UGP2: variants seen among roughly 807,000 people sequenced by gnomAD.
The protein encoded by UGP2 is UDP-glucose pyrophosphorylase 2, also known as UTP--glucose-1-phosphate uridylyltransferase.
UGP2 carries 40 observed loss-of-function variants against 49.0 expected under a neutral mutation model. The ratio of observed to expected loss-of-function variants is 0.82; its 90% CI spans 0.63 to 1.06. The LOEUF (loss-of-function observed/expected upper bound fraction) is 1.06, where lower values mean the gene tolerates loss of function less well. Among genes scored for constraint, UGP2 ranks in the 50% least tolerant of loss-of-function variants. The pLI is 0.00. For synonymous variants in UGP2, 225 were observed against 213.0 expected (o/e 1.06, Z -0.49); for missense variants, 460 against 603.5 (o/e 0.76, Z 2.49).
chr2:63,868,326 CCAT>C (rs1394214175), intron 3 of UGP2, among the ~76,000 whole-genome samples: 3 of 152,138 alleles, frequency 2.0e-5, no homozygotes, highest in African/African-American at 7.2e-5. Flanking sequence ...TGGTTGATGG[CCAT>C]CATAGGATCT....
intron 9 of UGP2, among the ~76,000 whole-genome samples, chr2:63,890,497 C>G (rs1275578920): frequency 2.0e-5 from 3 of 152,084 alleles, no homozygotes; most frequent in Admixed American, 1.3e-4. Flanking sequence ...CAGTGTCATT[C>G]CAGCCTCACG....
Position 63,886,331 on chromosome 2 carries a change from G to C in UGP2, c.874-10G>C, listed in dbSNP as rs1045762120. 13 of 1,613,318 alleles carry C rather than the reference G, an allele frequency of 8.1e-6. No homozygotes were observed. The highest frequency in any genetic ancestry group is 1.1e-5 in the Non-Finnish European group (13 of 1,179,292). On this transcript the variant is annotated splice_polypyrimidine_tract_variant and intron_variant, in intron 6 of 9. Transcript: ENST00000337130. The stretch of plus-strand genomic sequence containing the variant: ...GATGTGGAGGCACTCACTATTTTCT[G>C]CCTTTCTAGGGCGGGACACTCACTC...
intron 3 of UGP2, among the ~76,000 whole-genome samples, chr2:63,863,668 A>C (rs1186791014): frequency 6.6e-6 from 1 of 152,246 alleles, no homozygotes; most frequent in Non-Finnish European, 1.5e-5. Flanking sequence ...CACTATTTTT[A>C]ACTAGAAACA....
chr2:63,855,545 T>G, intron 1 of UGP2: 1 of 282,618 alleles, frequency 3.5e-6, no homozygotes, highest in Non-Finnish European at 7.0e-6. Flanking sequence ...TTTTTTTCTC[T>G]TTTCTTTTCT....
intron 8 of UGP2, chr2:63,888,556 C>T (rs761893697): frequency 3.3e-5 from 5 of 152,302 alleles, no homozygotes; most frequent in South Asian, 2.1e-4. Flanking sequence ...GAGCTTATCC[C>T]GGCAGCTCAG....
intron 5 of UGP2, 105 bp downstream of exon 5, chr2:63,884,198 G>A: frequency 7.3e-7 from 1 of 1,368,640 alleles, no homozygotes; most frequent in South Asian, 1.3e-5. Context: ...ACCAAATATT[G>A]ATGTTCACAA....
intron 3 of UGP2, among the ~76,000 whole-genome samples, chr2:63,878,477 T>G (rs1164038611): frequency 6.6e-6 from 1 of 152,252 alleles, no homozygotes. Flanking sequence ...TGATTATGTC[T>G]CCATGACTAA....
chr2:63,841,800 C>T (rs182498014), upstream of UGP2: 55 of 183,382 alleles, frequency 3.0e-4, no homozygotes, highest in African/African-American at 1.2e-3. Context: ...GCAGTACAGC[C>T]CTGGAGGGCG....
chr2:63,882,416 C>A, intron 3 of UGP2, 50 bp from the exon 4 acceptor site: 1 of 1,377,796 alleles, frequency 7.3e-7, no homozygotes, highest in Non-Finnish European at 9.7e-7. Flanking sequence ...TATGCTTTAA[C>A]GTCCCTTAAA....
chr2:63,860,637 C>G (rs1451980427), intron 3 of UGP2, among the ~76,000 whole-genome samples: 2 of 151,982 alleles, frequency 1.3e-5, no homozygotes, highest in East Asian at 3.9e-4. Flanking sequence ...TTCTGTCACT[C>G]AGGCTGGAGG....
At chr2:63,845,854 G>A (rs956989361) in intron 1 of UGP2, among the ~76,000 whole-genome samples, 1 of 152,070 alleles carries the variant, frequency 6.6e-6, no homozygotes, top group African/African-American at 2.4e-5. Flanking sequence ...GGAAAGCTGG[G>A]TATCTCCATC....
chr2:63,882,803 G>A (rs1011213723), intron 4 of UGP2, 152 bp downstream of exon 4: 5 of 763,336 alleles, frequency 6.6e-6, no homozygotes, highest in Admixed American at 3.6e-5. Context: ...AAGGTTTAGT[G>A]TTCTTAAGGG....
chr2:63,859,247 G>C (rs1318659027), intron 3 of UGP2: 1 of 151,812 alleles, frequency 6.6e-6, no homozygotes, highest in Non-Finnish European at 1.5e-5. Context: ...TACCTGCCTT[G>C]GCCTCCCAAA....
At chr2:63,869,363 A>G (rs991022318) in intron 3 of UGP2, among the ~76,000 whole-genome samples, 16 of 152,226 alleles carry the variant, frequency 1.1e-4, no homozygotes, top group African/African-American at 3.6e-4. Flanking sequence ...GAGATGAAAA[A>G]TATTTTTAAA....
chr2:63,883,827 T>C lies in UGP2; in HGVS notation c.442-133T>C. On this transcript the variant is annotated intron_variant, in intron 4 of 9. Coordinates refer to ENST00000337130, the MANE Select transcript of UGP2 (RefSeq NM_006759.4). ...CTGGCTCGTGCTGAGCAGTTTTTTG[T>C]CAAATCTGTATATTTGGCTACGTAC... 3 of 1,161,392 alleles carry C rather than the reference T, an allele frequency of 2.6e-6. No individual in the cohort carries two copies. The South Asian group carries it at 5.0e-5, about 19-fold the overall frequency. The allele number at this position is 1,161,392 out of a possible 1,614,324, so 71.9% of individuals were successfully genotyped here.
chr2:63,856,503 C>T (rs538460288), intron 2 of UGP2, 70 bp downstream of exon 2: 9 of 1,485,436 alleles, frequency 6.1e-6, no homozygotes, highest in East Asian at 2.4e-5. Context: ...GAGTTGCTGC[C>T]GGTGATGATG....
In UGP2 at chr2:63,887,648, C is replaced by T. The variant is rs191010746; in HGVS notation, c.1314+4C>T. The T allele has an allele frequency of 2.4e-4, 388 of 1,613,542 alleles. 1 individual carries two copies. The highest frequency in any genetic ancestry group is 3.3e-4 in the Middle Eastern group (2 of 6,060). Reference sequence around the variant, plus strand: ...ATTAGGCAGTTCTTTTACGAAGGTACGTAACTATAAAGATATGTGAGTTCA... The same window carrying T: ...ATTAGGCAGTTCTTTTACGAAGGTATGTAACTATAAAGATATGTGAGTTCA... On this transcript the variant is annotated splice_donor_region_variant and intron_variant, in intron 8 of 9. Transcript: ENST00000337130.
chr2:63,885,934 G>C, intron 6 of UGP2, 48 bp downstream of exon 6: 1 of 1,493,544 alleles, frequency 6.7e-7, no homozygotes, highest in Non-Finnish European at 8.9e-7. Flanking sequence ...TTCACATTTC[G>C]TAAGTTATGA....
chr2:63,848,810 T>C (rs949480238), intron 1 of UGP2, among the ~76,000 whole-genome samples: 1 of 152,240 alleles, frequency 6.6e-6, no homozygotes, highest in African/African-American at 2.4e-5. Context: ...AAAAAGATAA[T>C]ACTCTGTTTG....
Sources: allele counts gnomAD v4.1 joint callset (sites outside exome capture counted in the v4.1 genomes callset), GRCh38; gene constraint gnomAD v4.1.1; transcripts MANE v1.5; gene names NCBI Gene and HGNC (gene_info 2026-07-23, HGNC 2026-07-21).